BBS4: variants seen among roughly 807,000 people sequenced by gnomAD.
The protein encoded by BBS4 is Bardet-Biedl syndrome 4.
Under a neutral mutation model 71.4 loss-of-function variants are expected in BBS4, and 58 were observed. The ratio of observed to expected loss-of-function variants is 0.81; its 90% CI spans 0.66 to 1.01. The LOEUF is 1.01. BBS4 is among the 50% of genes least tolerant of loss of function. The probability of loss-of-function intolerance (pLI) is 0.00; values close to 1 mark genes in which losing one functional copy is unlikely to be tolerated. For synonymous variants in BBS4, 228 were observed against 216.8 expected (o/e 1.05, Z -0.46); for missense variants, 660 against 607.9 (o/e 1.09, Z -0.90).
chr15:72,711,864 C>T (rs1268194285), intron 3 of BBS4, among the ~76,000 whole-genome samples: 1 of 150,236 alleles, frequency 6.7e-6, no homozygotes, highest in African/African-American at 2.5e-5. Flanking sequence ...TTTTTCATTA[C>T]TATTTGTTTT....
intron 15 of BBS4, 24 bp downstream of exon 15, chr15:72,736,987 A>T (rs1194216162): frequency 5.6e-6 from 9 of 1,612,190 alleles, no homozygotes; most frequent in Non-Finnish European, 7.6e-6. Context: ...GAGCTCCATG[A>T]AGACCTGGCA....
rs1312520677 is a variant in BBS4, at chr15:72,738,386, A to G, written c.*799A>G. 1 of 431,250 alleles carries G rather than the reference A, an allele frequency of 2.3e-6. No homozygotes were observed. The highest frequency in any genetic ancestry group is 7.0e-5 in the East Asian group (1 of 14,250). 26.7% of individuals were successfully genotyped at this position (431,250 alleles called of 1,614,324 possible). On this transcript the variant is annotated 3_prime_UTR_variant, in exon 16 of 16. Transcript: ENST00000268057. Reference sequence around the variant, plus strand: ...CAATACACTATGTGTCCTTTTTAGAATAAAGATTACATATCATCATTCCTT... The same window carrying G: ...CAATACACTATGTGTCCTTTTTAGAGTAAAGATTACATATCATCATTCCTT...
chr15:72,737,670 C>G lies in BBS4; in HGVS notation c.*83C>G, dbSNP rs907910434. 4 of 1,091,164 alleles carry G rather than the reference C, an allele frequency of 3.7e-6. No homozygotes were observed. The highest frequency in any genetic ancestry group is 5.4e-6 in the Non-Finnish European group (4 of 739,004). The allele number at this position is 1,091,164 out of a possible 1,614,324, so 67.6% of individuals were successfully genotyped here. A position where few individuals can be genotyped will look rare whatever the true frequency, so the allele number is the denominator to read the frequency against. On this transcript the variant is annotated 3_prime_UTR_variant, in exon 16 of 16. Coordinates refer to ENST00000268057, the MANE Select transcript of BBS4 (RefSeq NM_033028.5). ...GAAAGGTGACATGACACAGGCAGAG[C>G]AGAGTGGCACCCACCACAGAATACA...
chr15:72,730,169 C>G (rs1466278261), intron 10 of BBS4, among the ~76,000 whole-genome samples: 1 of 151,288 alleles, frequency 6.6e-6, no homozygotes, highest in Admixed American at 6.6e-5. Context: ...CCCAGCTCCT[C>G]GGGAGGCTGA....
At chr15:72,687,546 G>A (rs1172250359) in intron 1 of BBS4, among the ~76,000 whole-genome samples, 1 of 151,276 alleles carries the variant, frequency 6.6e-6, no homozygotes, top group Non-Finnish European at 1.5e-5. Context: ...GGAGGTTGCA[G>A]TGAGCCGAGA....
intron 3 of BBS4, among the ~76,000 whole-genome samples, chr15:72,710,491 T>C (rs2065349773): frequency 6.6e-6 from 1 of 151,770 alleles, no homozygotes; most frequent in African/African-American, 2.4e-5. Context: ...TGAGCCACCG[T>C]GCCCAGCCCT....
At chr15:72,725,057 T>G (rs56135094) in intron 8 of BBS4, among the ~76,000 whole-genome samples, 43,430 of 127,472 alleles carry the variant, frequency 0.34, 7,364 homozygotes, top group African/African-American at 0.35. Context: ...TATATATATA[T>G]AGAGAGAGAG....
intron 1 of BBS4, chr15:72,686,500 G>C: frequency 2.0e-6 from 3 of 1,521,272 alleles, no homozygotes; most frequent in Non-Finnish European, 2.6e-6. Flanking sequence ...ACGGAGAAGG[G>C]AGACTTTTCA....
At chr15:72,691,168 G>T (rs1441694705) in intron 1 of BBS4, among the ~76,000 whole-genome samples, 3 of 152,112 alleles carry the variant, frequency 2.0e-5, no homozygotes, top group African/African-American at 7.2e-5. Context: ...ATTTTGTAGA[G>T]GCGGGGTTTT....
intron 3 of BBS4, among the ~76,000 whole-genome samples, chr15:72,711,018 G>A (rs968222261): frequency 1.3e-5 from 2 of 150,784 alleles, no homozygotes; most frequent in African/African-American, 4.9e-5. Flanking sequence ...GGTCAGGCTG[G>A]TCTCAAACTG....
chr15:72,700,199 T>C (rs1397198969), intron 2 of BBS4, among the ~76,000 whole-genome samples: 1 of 152,112 alleles, frequency 6.6e-6, no homozygotes, highest in South Asian at 2.1e-4. Context: ...CAGCCTCCCA[T>C]AGTGCTGGGA....
chr15:72,735,308 C>G (rs1473022815), intron 13 of BBS4, 126 bp downstream of exon 13: 1 of 743,648 alleles, frequency 1.3e-6, no homozygotes, highest in South Asian at 1.5e-5. Context: ...TAGTACATAG[C>G]AGACCTCAGT....
chr15:72,729,307 A>G lies in BBS4; in HGVS notation c.643-309A>G, dbSNP rs1463272482. On this transcript the variant is annotated intron_variant, in intron 9 of 15. Coordinates refer to ENST00000268057, the MANE Select transcript of BBS4 (RefSeq NM_033028.5). ...CTCTTTTTGCCTAGGCTAGAGTGCA[A>G]TGGCGTGATCTCGGCTCACTGCAAC... 5.6e-5 allele frequency among the ~76,000 whole-genome samples: 8 copies of G among 143,524 alleles called. No individual in the cohort carries two copies. The South Asian group carries it at 9.0e-4, about 16-fold the overall frequency. The allele number at this position is 143,524 out of a possible 152,430, so 94.2% of individuals were successfully genotyped here.
At chr15:72,688,594 G>A (rs1017316269) in intron 1 of BBS4, among the ~76,000 whole-genome samples, 2 of 151,620 alleles carry the variant, frequency 1.3e-5, no homozygotes, top group Non-Finnish European at 2.9e-5. Context: ...TTGTGGAGAT[G>A]GGGTTTCACC....
rs748134347 is a variant in BBS4 at position 72,727,981 on chromosome 15, T to C, written c.629T>C (p.Leu210Ser). Residue 210 changes from leucine to serine, a missense_variant, in exon 9 of 16, where the codon TTA becomes TCA. Physicochemically the swap from Leu to Ser is moderately radical, Grantham distance 145. Transcript: ENST00000268057. ...ENTELLTTLG[L>S]LYLQLGIYQK... is the part of the protein sequence containing the mutation. ...ACAGAGCTTCTTACAACTTTAGGAT[T>C]ACTCTACTTACAGGTAATGAAAACT... 6.2e-6 allele frequency: 10 copies of C among 1,611,800 alleles called. No individual in the cohort carries two copies. In the African/African-American group the frequency reaches 1.3e-4, roughly 22 times the overall value.
intron 1 of BBS4, among the ~76,000 whole-genome samples, chr15:72,691,664 G>A (rs1386372135): frequency 6.6e-6 from 1 of 152,006 alleles, no homozygotes; most frequent in Non-Finnish European, 1.5e-5. Context: ...CTGGTTTTTA[G>A]TTATTAAAAA....
chr15:72,727,844 G>A, intron 8 of BBS4, 96 bp from the exon 9 acceptor site: 1 of 932,508 alleles, frequency 1.1e-6, no homozygotes, highest in Non-Finnish European at 1.8e-6. Flanking sequence ...GGCTCAGTGG[G>A]GTCTGTCAAG....
intron 2 of BBS4, among the ~76,000 whole-genome samples, chr15:72,698,312 C>T (rs1037198776): frequency 6.6e-6 from 1 of 152,082 alleles, no homozygotes; most frequent in African/African-American, 2.4e-5. Context: ...AGTTGTGCAG[C>T]CATCACCACT....
chr15:72,703,048 T>C (rs944419688), intron 2 of BBS4, among the ~76,000 whole-genome samples: 1 of 151,650 alleles, frequency 6.6e-6, no homozygotes, highest in Non-Finnish European at 1.5e-5. Flanking sequence ...CCTGACCTCG[T>C]GATCCGCCCG....
Sources: gnomAD v4.1 joint callset for allele counts (sites outside exome capture counted in the v4.1 genomes callset) on GRCh38, gnomAD v4.1.1 for gene constraint, MANE v1.5 for transcripts, NCBI Gene and HGNC (gene_info 2026-07-23, HGNC 2026-07-21) for gene names.